The following FAXC variants were observed in gnomAD, a reference collection of about 807,000 sequenced individuals.
FAXC encodes the protein failed axon connections homolog, metaxin like GST domain containing, also known as failed axon connections homolog.
Under a neutral mutation model 41.9 loss-of-function variants are expected in FAXC, and 10 were observed. The observed-to-expected ratio is 0.24, with a 90% CI of 0.15 to 0.41. FAXC has a LOEUF of 0.41. Among genes scored for constraint, FAXC ranks in the 10% least tolerant of loss-of-function variants. The pLI is 1.00. For synonymous variants in FAXC, 183 were observed against 183.8 expected (o/e 1.00, Z 0.03); for missense variants, 399 against 510.9 (o/e 0.78, Z 2.11).
intron 4 of FAXC, among the ~76,000 whole-genome samples, chr6:99,322,010 T>A (rs767572352): frequency 3.9e-5 from 6 of 152,202 alleles, no homozygotes; most frequent in Non-Finnish European, 7.4e-5. Flanking sequence ...GGCCCAGTTG[T>A]GAGCCTGGTT....
chr6:99,300,109 C>T (rs1771648918), intron 4 of FAXC, among the ~76,000 whole-genome samples: 1 of 152,152 alleles, frequency 6.6e-6, no homozygotes, highest in South Asian at 2.1e-4. Flanking sequence ...GCCACCAATA[C>T]CACCATCACT....
chr6:99,349,853 G>A (rs1352795028), upstream of FAXC, among the ~76,000 whole-genome samples: 1 of 152,098 alleles, frequency 6.6e-6, no homozygotes, highest in Non-Finnish European at 1.5e-5. Flanking sequence ...AAAACCGCTC[G>A]CCGCGCGCGG....
intron 5 of FAXC, among the ~76,000 whole-genome samples, chr6:99,284,559 C>CTA (rs1180731728): frequency 8.4e-6 from 1 of 118,820 alleles, no homozygotes; most frequent in African/African-American, 3.5e-5. Context: ...TGTGGAGTGT[C>CTA]TGTGTGTGTG....
rs942624163 is a variant in FAXC at position 99,278,552 on chromosome 6, A to C, written c.*2612T>G. The C allele has an allele frequency of 6.6e-6, 1 of 152,240 alleles. No individual in the cohort carries two copies. The highest frequency in any genetic ancestry group is 1.5e-5 in the Non-Finnish European group (1 of 68,052). 9.4% of individuals were successfully genotyped at this position (152,240 alleles called of 1,614,324 possible). A position where few individuals can be genotyped will look rare whatever the true frequency, so the allele number is the denominator to read the frequency against. On this transcript the variant is annotated 3_prime_UTR_variant, in exon 6 of 6. Transcript: ENST00000389677. The stretch of plus-strand genomic sequence containing the variant: ...GTTCATGAAATTGGAGAACATTTCA[A>C]ATCTGGGTAGCTTAAGAATGAAGCA...
rs987977939 is a variant in FAXC, at chr6:99,325,893, A to G, written c.600-2226T>C. Among the ~76,000 whole-genome samples the G allele has an allele frequency of 1.4e-4, 22 of 152,304 alleles. 1 individual carries two copies. The South Asian group carries it at 2.3e-3, about 16-fold the overall frequency. On this transcript the variant is annotated intron_variant, in intron 3 of 5. Coordinates refer to ENST00000389677, the MANE Select transcript of FAXC (RefSeq NM_032511.4). ...CTCTAAGCTGACGGGTTAGAAGGGG[A>G]AAAAAATCCTTTGTAGACAAATTAC...
intron 5 of FAXC, among the ~76,000 whole-genome samples, chr6:99,284,409 A>G (rs1770940297): frequency 6.6e-6 from 1 of 152,222 alleles, no homozygotes; most frequent in African/African-American, 2.4e-5. Context: ...AGAGTGAAAC[A>G]GAGAGTGGAC....
At chr6:99,287,277 AT>A (rs1328735437) in intron 5 of FAXC, among the ~76,000 whole-genome samples, 2 of 152,142 alleles carry the variant, frequency 1.3e-5, no homozygotes, top group African/African-American at 4.8e-5. Context: ...AGCTTAAAAA[AT>A]ATATATATAC....
intron 2 of FAXC, chr6:99,334,641 C>T (rs1330839915): frequency 7.2e-6 from 7 of 968,306 alleles, no homozygotes; most frequent in Non-Finnish European, 7.4e-6. Flanking sequence ...TCTCTTGATG[C>T]CATCCATATC....
chr6:99,288,682 T>C (rs920700946), intron 5 of FAXC, among the ~76,000 whole-genome samples: 7 of 152,196 alleles, frequency 4.6e-5, no homozygotes, highest in Non-Finnish European at 8.8e-5. Flanking sequence ...ATACTATCCC[T>C]AGTCCCACCC....
intron 3 of FAXC, among the ~76,000 whole-genome samples, chr6:99,327,118 T>C (rs995048230): frequency 2.0e-5 from 3 of 152,172 alleles, no homozygotes; most frequent in African/African-American, 7.2e-5. Context: ...TTGCCCTTGA[T>C]TTTTCTTCCT....
chr6:99,287,978 C>T (rs146714583), intron 5 of FAXC, among the ~76,000 whole-genome samples: 1 of 152,328 alleles, frequency 6.6e-6, no homozygotes, highest in East Asian at 1.9e-4. Flanking sequence ...AATCAAAGTA[C>T]ATACAACAAT....
Position 99,349,548 on chromosome 6 carries a change from G to GA in FAXC, c.-177_-176insT. 3.5e-6 allele frequency: 1 copy of GA among 288,142 alleles called. No homozygotes were observed. Among genetic ancestry groups the GA allele is most frequent in the Non-Finnish European group, 5.2e-6 (1 of 192,030 alleles). The allele number at this position is 288,142 out of a possible 1,614,324, so 17.8% of individuals were successfully genotyped here. ...GGCGGCAGAGGAGGAGGAGGAGGAA[G>GA]GGCACTGGCCGCGGACGGCGGGCCT... On this transcript the variant is annotated 5_prime_UTR_variant, in exon 1 of 6. Transcript: ENST00000389677.
chr6:99,291,641 G>C (rs573108354), intron 5 of FAXC, 63 bp downstream of exon 5: 1 of 1,136,714 alleles, frequency 8.8e-7, no homozygotes, highest in South Asian at 1.2e-5. Flanking sequence ...TCTCCACTGT[G>C]CTACCCCACT....
intron 5 of FAXC, among the ~76,000 whole-genome samples, chr6:99,286,152 C>T (rs1044176288): frequency 2.0e-5 from 3 of 152,206 alleles, no homozygotes; most frequent in African/African-American, 7.2e-5. Context: ...TGACTACACC[C>T]TTGGTTGCTC....
chr6:99,291,458 G>A (rs759850495), intron 5 of FAXC, among the ~76,000 whole-genome samples: 7 of 152,160 alleles, frequency 4.6e-5, no homozygotes, highest in Admixed American at 3.3e-4. Context: ...TAAAAACATC[G>A]CAGGACCTAT....
Position 99,349,114 on chromosome 6 carries a change from C to A in FAXC, c.259G>T (p.Val87Phe), listed in dbSNP as rs1212674695. 6.2e-7 allele frequency: 1 copy of A among 1,613,394 alleles called. No individual in the cohort carries two copies. Among genetic ancestry groups the A allele is most frequent in the East Asian group, 2.2e-5 (1 of 44,878 alleles). ...GCCCTCTCTCCGGCTCACCTAATGA[C>A]CAGGAGTTCGTGGAGCAGATACGCA... ...AAAYLLHELL[V>F]IRKQQEIDSK... The change falls in exon 1 of 6, where the codon GTC (valine) becomes TTC (phenylalanine). Residue 87 changes from valine (V) to phenylalanine (F), a missense_variant. Val to Phe is a conservative substitution (Grantham distance 50). This residue lies in a region of FAXC where 239 missense variants were observed against 352.7 expected (regional missense o/e 0.68). Transcript: ENST00000389677.
chr6:99,312,905 C>A (rs1457684124), intron 4 of FAXC, among the ~76,000 whole-genome samples: 11 of 152,184 alleles, frequency 7.2e-5, no homozygotes. Flanking sequence ...TGCTGATACT[C>A]CTTCATATTA....
Position 99,277,430 on chromosome 6 carries a change from GGC to G in FAXC, c.*3732_*3733del, listed in dbSNP as rs1361124466. 1 of 78,238 alleles carries G rather than the reference GGC, an allele frequency of 1.3e-5. No homozygotes were observed. The highest frequency in any genetic ancestry group is 3.4e-4 in the East Asian group (1 of 2,938). The allele number at this position is 78,238 out of a possible 1,614,324, so 4.8% of individuals were successfully genotyped here. A position where few individuals can be genotyped will look rare whatever the true frequency, so the allele number is the denominator to read the frequency against. The stretch of plus-strand genomic sequence containing the variant: ...ACTCTACAACCAGTGTAGATCCCAG[GGC>G]CAGGCACAGGGTAGGTGCTCTGTAA... On this transcript the variant is annotated 3_prime_UTR_variant, in exon 6 of 6. Coordinates refer to ENST00000389677, the MANE Select transcript of FAXC (RefSeq NM_032511.4).
intron 4 of FAXC, among the ~76,000 whole-genome samples, chr6:99,305,315 G>GA (rs1321392312): frequency 1.3e-5 from 2 of 152,172 alleles, no homozygotes; most frequent in Admixed American, 6.5e-5. Context: ...TTGCGGGGCA[G>GA]AAAGGAAGTA....
Sources: allele counts gnomAD v4.1 joint callset (sites outside exome capture counted in the v4.1 genomes callset), GRCh38; gene constraint gnomAD v4.1.1; regional missense constraint gnomAD v4.1.1; transcripts MANE v1.5; gene names NCBI Gene and HGNC (gene_info 2026-07-23, HGNC 2026-07-21).